Variants in NRXN3 observed in about 807,000 individuals in gnomAD.
NRXN3 encodes neurexin 3.
NRXN3 carries 32 observed loss-of-function variants against 137.6 expected under a neutral mutation model. That is an observed-to-expected ratio of 0.23 (90% CI 0.18 to 0.31). NRXN3 has a LOEUF of 0.31. Among genes scored for constraint, NRXN3 ranks in the 10% least tolerant of loss-of-function variants. The pLI is 1.00. For missense variants in NRXN3, 1,574 were observed against 2,062.5 expected, an observed-to-expected ratio of 0.76 and a Z score of 4.59; for synonymous variants, 798 against 784.5, an observed-to-expected ratio of 1.02 and a Z score of -0.29.
Position 79,861,587 on chromosome 14 carries a change from A to G in NRXN3, c.4339A>G (p.Thr1447Ala). ...QPDIVLLPLPTAYELDSTKLK... is the reference protein window; with the variant it reads ...QPDIVLLPLPAAYELDSTKLK... ...TGATATAGTCTTGCTTCCGTTGCCC[A>G]CTGCCTATGAGCTAGACAGCACCAA... Residue 1447 changes from threonine to alanine, a missense_variant, in exon 21 of 21, where the codon ACT (threonine) becomes GCT (alanine). Thr to Ala is a moderately conservative substitution (Grantham distance 58). Around this residue, in one of 5 missense-constraint regions of NRXN3, gnomAD observed 320 missense variants for 387.1 expected, o/e 0.83. Transcript: ENST00000335750. This position sits in a 1 kb window ranked among gnomAD's most constrained non-coding sequence, Gnocchi z 5.4. 6.2e-7 allele frequency: 1 copy of G among 1,610,580 alleles called. No homozygotes were observed. The highest frequency in any genetic ancestry group is 8.5e-7 in the Non-Finnish European group (1 of 1,178,620).
rs1048238114 is a variant in NRXN3, at chr14:78,284,645, G to A, written c.727+5983G>A. ...TTTAAAAACGGAAAATCAACCCACCGTTGTAGCTGTGTCTTGGTCTCCCTA... is the reference window on the plus strand; with the variant it reads ...TTTAAAAACGGAAAATCAACCCACCATTGTAGCTGTGTCTTGGTCTCCCTA... On this transcript the variant is annotated intron_variant, in intron 3 of 20. Coordinates refer to ENST00000335750, the MANE Select transcript of NRXN3 (RefSeq NM_001330195.2). Among the ~76,000 whole-genome samples the A allele has an allele frequency of 1.8e-4, 28 of 152,096 alleles. 1 individual carries two copies. The highest frequency in any genetic ancestry group is 1.6e-3 in the Admixed American group (24 of 15,274).
intron 15 of NRXN3, among the ~76,000 whole-genome samples, chr14:79,042,201 CTG>C (rs1455345689): frequency 6.6e-6 from 1 of 152,180 alleles, no homozygotes; most frequent in African/African-American, 2.4e-5. Flanking sequence ...TTACATGCAG[CTG>C]GTTCTCTAAA....
At position 79,471,277 on chromosome 14, in the gene NRXN3, C is replaced by G. The variant is rs1413423108; in HGVS notation, c.3444+3875C>G. ...AAATTCTCAGTGCCTCACTCTCTCT[C>G]TTCAAGCTTTACACCAGGAAGATTT... On this transcript the variant is annotated intron_variant, in intron 16 of 20. Coordinates refer to ENST00000335750, the MANE Select transcript of NRXN3 (RefSeq NM_001330195.2). Among the ~76,000 whole-genome samples the G allele has an allele frequency of 2.0e-5, 3 of 152,136 alleles. No individual in the cohort carries two copies. The East Asian group carries it at 5.8e-4, about 29-fold the overall frequency.
At chr14:78,713,003 A>G (rs945136560) in intron 7 of NRXN3, among the ~76,000 whole-genome samples, 6 of 152,240 alleles carry the variant, frequency 3.9e-5, no homozygotes, top group African/African-American at 1.4e-4. Context: ...TGACCCATTT[A>G]TCTTGATACC....
intron 16 of NRXN3, among the ~76,000 whole-genome samples, chr14:79,609,944 G>A (rs2098078331): frequency 6.6e-6 from 1 of 151,900 alleles, no homozygotes; most frequent in Non-Finnish European, 1.5e-5. Flanking sequence ...ACTGGGGCCT[G>A]TCTGGGGGTA....
chr14:78,827,743 C>G (rs912026156), intron 10 of NRXN3, among the ~76,000 whole-genome samples: 5 of 152,226 alleles, frequency 3.3e-5, no homozygotes, highest in Non-Finnish European at 7.3e-5. Flanking sequence ...ACATGCTGAG[C>G]TACTCAGCTG....
intron 15 of NRXN3, among the ~76,000 whole-genome samples, chr14:79,235,026 T>C (rs1440941589): frequency 1.3e-5 from 2 of 151,838 alleles, no homozygotes; most frequent in Non-Finnish European, 1.5e-5. Flanking sequence ...TTTTAAAACA[T>C]TGATATTTTT....
chr14:78,889,343 T>C (rs31395), intron 10 of NRXN3, among the ~76,000 whole-genome samples: 20,866 of 151,928 alleles, frequency 0.14, 2,981 homozygotes, highest in African/African-American at 0.37. Flanking sequence ...GCTATTGACC[T>C]GCTGAGTGCA....
intron 15 of NRXN3, among the ~76,000 whole-genome samples, chr14:79,366,955 A>G (rs2093915221): frequency 6.6e-6 from 1 of 151,288 alleles, no homozygotes; most frequent in African/African-American, 2.4e-5. Context: ...AAAATTAAAT[A>G]GAATTAAAAA....
At position 78,637,188 on chromosome 14, in the gene NRXN3, A is replaced by G. The variant is rs1414566741; in HGVS notation, c.758-7932A>G. ...CCCAGTCTGCATCTTGAGCCTATAC[A>G]TGTGTCCATTGCTCTAGCCACCTTG... On this transcript the variant is annotated intron_variant, in intron 4 of 20. Transcript: ENST00000335750. 3.9e-5 allele frequency among the ~76,000 whole-genome samples: 6 copies of G among 152,114 alleles called. No individual in the cohort carries two copies. The South Asian group carries it at 8.3e-4, about 21-fold the overall frequency.
intron 4 of NRXN3, among the ~76,000 whole-genome samples, chr14:78,438,523 A>G (rs77028584): frequency 4.6e-5 from 7 of 151,934 alleles, no homozygotes; most frequent in African/African-American, 1.7e-4. Context: ...ATTGCAGCTA[A>G]TCTAATAACT....
At chr14:78,278,089 T>C (rs1354074413) in intron 2 of NRXN3, among the ~76,000 whole-genome samples, 1 of 152,208 alleles carries the variant, frequency 6.6e-6, no homozygotes, top group Non-Finnish European at 1.5e-5. Flanking sequence ...GAATTGTAAA[T>C]ATTTTGTGAC....
intron 4 of NRXN3, among the ~76,000 whole-genome samples, chr14:78,533,320 A>G (rs369869327): frequency 1.2e-4 from 18 of 152,020 alleles, no homozygotes; most frequent in African/African-American, 3.4e-4. Context: ...TCCTGACCTC[A>G]GGTGATCCGC....
chr14:79,373,823 T>C (rs1232692434), intron 15 of NRXN3, among the ~76,000 whole-genome samples: 1 of 152,206 alleles, frequency 6.6e-6, no homozygotes, highest in Non-Finnish European at 1.5e-5. Context: ...AATAAATACA[T>C]AAATGGACTG....
intron 15 of NRXN3, among the ~76,000 whole-genome samples, chr14:79,169,247 T>C (rs2061559999): frequency 6.6e-6 from 1 of 152,126 alleles, no homozygotes. Context: ...GAATGCTACA[T>C]GCTCCCAGCC....
chr14:79,232,534 C>A (rs2072431411), intron 15 of NRXN3, among the ~76,000 whole-genome samples: 1 of 152,116 alleles, frequency 6.6e-6, no homozygotes. Flanking sequence ...GGCTACTGAG[C>A]TTCTTAATAT....
intron 11 of NRXN3, among the ~76,000 whole-genome samples, chr14:78,957,996 C>T (rs532832235): frequency 6.6e-6 from 1 of 152,232 alleles, no homozygotes; most frequent in Admixed American, 6.5e-5. Flanking sequence ...TCCACACAAT[C>T]AATAAGTATT....
In NRXN3 at chr14:79,380,488, A is replaced by G. The variant is rs1169813816; in HGVS notation, c.3263-86733A>G. Among the ~76,000 whole-genome samples, 10 of 151,888 alleles carry G rather than the reference A, an allele frequency of 6.6e-5. No individual in the cohort carries two copies. The East Asian group carries it at 1.8e-3, about 27-fold the overall frequency. ...TTGCGATAGTTTACTGAGGATGATGATTTCCAATTTCATCCATGTCCCTAC... is the reference window on the plus strand; with the variant it reads ...TTGCGATAGTTTACTGAGGATGATGGTTTCCAATTTCATCCATGTCCCTAC... On this transcript the variant is annotated intron_variant, in intron 15 of 20. Coordinates refer to ENST00000335750, the MANE Select transcript of NRXN3 (RefSeq NM_001330195.2).
At chr14:78,175,609 C>T (rs1241466525) in intron 1 of NRXN3, among the ~76,000 whole-genome samples, 1 of 152,164 alleles carries the variant, frequency 6.6e-6, no homozygotes, top group Admixed American at 6.5e-5. Context: ...GCCTTGAGGG[C>T]CAGCTCTGTT....
Sources: allele counts gnomAD v4.1 joint callset (sites outside exome capture counted in the v4.1 genomes callset), GRCh38; gene constraint gnomAD v4.1.1; regional missense constraint gnomAD v4.1.1; non-coding constraint Gnocchi (gnomAD v3.1); transcripts MANE v1.5; gene names NCBI Gene and HGNC (gene_info 2026-07-23, HGNC 2026-07-21).